EYA2: variants seen among roughly 807,000 people sequenced by gnomAD.
EYA2 encodes EYA transcriptional coactivator and phosphatase 2, also known as protein phosphatase EYA2.
A neutral mutation model predicts 69.2 loss-of-function variants in EYA2; 31 were observed. The ratio of observed to expected loss-of-function variants is 0.45; its 90% CI spans 0.34 to 0.60. The LOEUF (loss-of-function observed/expected upper bound fraction) is 0.60, where lower values mean the gene tolerates loss of function less well. Among genes scored for constraint, EYA2 ranks in the 20% least tolerant of loss-of-function variants. EYA2 has a pLI of 0.02. For synonymous variants in EYA2, 257 were observed against 279.4 expected (o/e 0.92, Z 0.80); for missense variants, 622 against 701.2 (o/e 0.89, Z 1.28).
intron 9 of EYA2, among the ~76,000 whole-genome samples, chr20:47,117,015 G>A (rs919517306): frequency 6.4e-5 from 2 of 31,286 alleles, no homozygotes; most frequent in African/African-American, 1.4e-4. Flanking sequence ...TTTTTTTTTT[G>A]AGGCAGAGTC....
At chr20:47,005,409 G>A (rs867857875) in intron 4 of EYA2, among the ~76,000 whole-genome samples, 1 of 152,200 alleles carries the variant, frequency 6.6e-6, no homozygotes, top group Non-Finnish European at 1.5e-5. Context: ...TCATCGTGAG[G>A]TGTAAGTCTC....
At chr20:47,116,994 A>ATTT (rs11482114) in intron 9 of EYA2, among the ~76,000 whole-genome samples, 3,812 of 116,970 alleles carry the variant, frequency 0.033, 245 homozygotes, top group East Asian at 0.083. Flanking sequence ...ATGCATCTGC[A>ATTT]TTTTTTTTTT....
At chr20:47,060,456 G>A (rs1014509423) in intron 5 of EYA2, among the ~76,000 whole-genome samples, 1 of 152,098 alleles carries the variant, frequency 6.6e-6, no homozygotes, top group Non-Finnish European at 1.5e-5. Context: ...AAGCCCCCTT[G>A]GCCAAAACTA....
At chr20:47,091,544 G>A (rs2032084451) in intron 8 of EYA2, among the ~76,000 whole-genome samples, 1 of 139,526 alleles carries the variant, frequency 7.2e-6, no homozygotes, top group Non-Finnish European at 1.5e-5. Flanking sequence ...TTTGAAACCA[G>A]CCTGGGCAAC....
chr20:47,114,532 T>G (rs976385746), intron 9 of EYA2, among the ~76,000 whole-genome samples: 1 of 152,180 alleles, frequency 6.6e-6, no homozygotes, highest in African/African-American at 2.4e-5. Flanking sequence ...AAAGAATCAC[T>G]TGAACCCAGG....
At chr20:47,123,321 T>C (rs1428772273) in intron 9 of EYA2, among the ~76,000 whole-genome samples, 2 of 152,216 alleles carry the variant, frequency 1.3e-5, no homozygotes, top group African/African-American at 2.4e-5. Context: ...ATATCCTCCT[T>C]CTAGCTATTT....
At chr20:46,982,963 G>T (rs1019634805) in intron 1 of EYA2, among the ~76,000 whole-genome samples, 1 of 121,258 alleles carries the variant, frequency 8.2e-6, no homozygotes, top group East Asian at 3.6e-4. Context: ...TAGTAGAGGT[G>T]GGGTTTCACC....
Position 47,016,275 on chromosome 20 carries a change from C to G in EYA2, c.393C>G (p.Ser131Arg). The change falls in exon 5 of 16, where the codon AGC (serine) becomes AGG (arginine). Residue 131 changes from serine to arginine, a missense_variant. Ser to Arg is a moderately radical substitution (Grantham distance 110). Around this residue, in one of 2 missense-constraint regions of EYA2, gnomAD observed 365 missense variants for 349.7 expected, o/e 1.04. Transcript: ENST00000327619. ...TCAGCACCTCACCCACTGGACAGAGCCCATACACCTACCAGATGCACGGTC... is the reference window on the plus strand; with the variant it reads ...TCAGCACCTCACCCACTGGACAGAGGCCATACACCTACCAGATGCACGGTC... ...SSFSTSPTGQ[S>R]PYTYQMHGTT... 2.5e-6 allele frequency: 4 copies of G among 1,614,030 alleles called. No individual in the cohort carries two copies. The highest frequency in any genetic ancestry group is 3.4e-6 in the Non-Finnish European group (4 of 1,179,864).
chr20:47,170,289 G>A (rs1234853221), intron 11 of EYA2, among the ~76,000 whole-genome samples: 2 of 152,012 alleles, frequency 1.3e-5, no homozygotes, highest in Non-Finnish European at 2.9e-5. Flanking sequence ...GGTGTGTCTG[G>A]TTTCTAGGGG....
intron 2 of EYA2, among the ~76,000 whole-genome samples, chr20:46,990,634 C>G (rs1258398676): frequency 6.6e-6 from 1 of 152,200 alleles, no homozygotes; most frequent in Non-Finnish European, 1.5e-5. Context: ...ATGATGCAGT[C>G]GAACTAGTTT....
At chr20:47,181,115 A>G (rs561141813) in intron 14 of EYA2, among the ~76,000 whole-genome samples, 179 bp downstream of exon 14, 13 of 152,274 alleles carry the variant, frequency 8.5e-5, no homozygotes, top group African/African-American at 2.9e-4. Context: ...CTCTGCTTCT[A>G]AAGAAATTGG....
At chr20:47,157,793 C>G (rs1449696516) in intron 10 of EYA2, among the ~76,000 whole-genome samples, 1 of 151,688 alleles carries the variant, frequency 6.6e-6, no homozygotes, top group Non-Finnish European at 1.5e-5. Context: ...TTTTTGGTGC[C>G]CCCACCAAAA....
At chr20:47,157,222 G>T (rs1456858205) in intron 10 of EYA2, among the ~76,000 whole-genome samples, 2 of 151,538 alleles carry the variant, frequency 1.3e-5, no homozygotes, top group Admixed American at 6.6e-5. Context: ...AGGCATAGTG[G>T]TGCACGCTGT....
intron 5 of EYA2, among the ~76,000 whole-genome samples, chr20:47,032,329 A>G (rs569570676): frequency 6.6e-6 from 1 of 152,186 alleles, no homozygotes; most frequent in South Asian, 2.1e-4. Context: ...AGCTTTACAC[A>G]TGTCCCAGGA....
At chr20:47,130,726 G>A (rs2033321899) in intron 9 of EYA2, among the ~76,000 whole-genome samples, 1 of 152,158 alleles carries the variant, frequency 6.6e-6, no homozygotes, top group Non-Finnish European at 1.5e-5. Context: ...TCTACTAGAA[G>A]TAAAGGAAAA....
intron 5 of EYA2, among the ~76,000 whole-genome samples, chr20:47,036,533 T>G (rs1984722411): frequency 6.6e-6 from 1 of 152,108 alleles, no homozygotes; most frequent in Non-Finnish European, 1.5e-5. Context: ...TGTTATAAAG[T>G]CATGCTTCTT....
intron 8 of EYA2, among the ~76,000 whole-genome samples, chr20:47,091,721 G>A (rs1283812979): frequency 6.6e-6 from 1 of 152,060 alleles, no homozygotes; most frequent in African/African-American, 2.4e-5. Context: ...CTCCAGCCTG[G>A]GCGACAAATT....
chr20:46,983,959 T>C (rs1466577414), intron 1 of EYA2, among the ~76,000 whole-genome samples: 6 of 152,314 alleles, frequency 3.9e-5, no homozygotes, highest in African/African-American at 1.2e-4. Context: ...TTTTTGATCA[T>C]GATAGTGAGG....
At chr20:47,054,715 TGACTCCGG>T (rs1177871778) in intron 5 of EYA2, among the ~76,000 whole-genome samples, 2 of 152,154 alleles carry the variant, frequency 1.3e-5, no homozygotes, top group African/African-American at 4.8e-5. Flanking sequence ...CTCAGATGTG[TGACTCCGG>T]GACTCACTTG....
Sources: gnomAD v4.1 joint callset for allele counts (sites outside exome capture counted in the v4.1 genomes callset) on GRCh38, gnomAD v4.1.1 for gene constraint, gnomAD v4.1.1 regional missense constraint, MANE v1.5 for transcripts, NCBI Gene and HGNC (gene_info 2026-07-23, HGNC 2026-07-21) for gene names.